Variants in ZSCAN5A observed in about 807,000 individuals in gnomAD.
ZSCAN5A encodes the protein zinc finger and SCAN domain containing 5A, also known as zinc finger and SCAN domain-containing protein 5A.
Under a neutral mutation model 23.7 loss-of-function variants are expected in ZSCAN5A, and 12 were observed. The ratio of observed to expected loss-of-function variants is 0.51; its 90% CI spans 0.32 to 0.82. The LOEUF (loss-of-function observed/expected upper bound fraction) is 0.82. Ranked by LOEUF, ZSCAN5A falls within the 40% of genes least tolerant of loss-of-function variation. The pLI is 0.03. For synonymous variants in ZSCAN5A, 257 were observed against 239.9 expected, an observed-to-expected ratio of 1.07 and a Z score of -0.66; for missense variants, 597 against 617.9, an observed-to-expected ratio of 0.97 and a Z score of 0.36.
chr19:56,268,393 A>G (rs1490416675), intron 2 of ZSCAN5A, among the ~76,000 whole-genome samples: 1 of 152,248 alleles, frequency 6.6e-6, no homozygotes, highest in Non-Finnish European at 1.5e-5. Flanking sequence ...GGAACTGTAC[A>G]GAGGGGTTGA....
intron 2 of ZSCAN5A, among the ~76,000 whole-genome samples, chr19:56,242,944 A>T (rs1264593770): frequency 6.6e-6 from 1 of 151,924 alleles, no homozygotes; most frequent in Non-Finnish European, 1.5e-5. Flanking sequence ...ATGCCCGGCT[A>T]ATTTTTGTAT....
Position 56,327,988 on chromosome 19 carries a change from T to C in ZSCAN5A, c.-357-11720A>G, listed in dbSNP as rs573121363. Among the ~76,000 whole-genome samples, 12 of 152,308 alleles carry C rather than the reference T, an allele frequency of 7.9e-5. No homozygotes were observed. In the South Asian group the frequency reaches 2.3e-3, roughly 29 times the overall value. ...TACATATTTTGATACATATACATTA[T>C]AAACCTTACATACATTTATATTATG... On this transcript the variant is annotated intron_variant, in intron 2 of 6. Coordinates refer to the ZSCAN5A transcript ENST00000587340.
chr19:56,321,489 G>T, intron 2 of ZSCAN5A: 1 of 699,844 alleles, frequency 1.4e-6, no homozygotes, highest in South Asian at 1.6e-5. Flanking sequence ...GCCCTGTGAG[G>T]ACATCCTTGC....
At chr19:56,329,010 T>TAA (rs1376370013) in intron 2 of ZSCAN5A, among the ~76,000 whole-genome samples, 1 of 136,522 alleles carries the variant, frequency 7.3e-6, no homozygotes, top group East Asian at 2.1e-4. Flanking sequence ...AAAAAAAAAA[T>TAA]AAATAAATAA....
At chr19:56,302,346 C>T (rs1452292305) in intron 2 of ZSCAN5A, among the ~76,000 whole-genome samples, 1 of 145,228 alleles carries the variant, frequency 6.9e-6, no homozygotes, top group Admixed American at 6.9e-5. Flanking sequence ...TCCCTTTCCT[C>T]TTCCTTTTTT....
At chr19:56,227,179 A>T (rs1320339127) in intron 2 of ZSCAN5A, among the ~76,000 whole-genome samples, 2 of 152,220 alleles carry the variant, frequency 1.3e-5, no homozygotes, top group Non-Finnish European at 2.9e-5. Context: ...AGTATTCTCA[A>T]AACCAAAAAT....
intron 2 of ZSCAN5A, among the ~76,000 whole-genome samples, chr19:56,333,151 C>T (rs535323329): frequency 4.0e-4 from 60 of 151,638 alleles, no homozygotes; most frequent in African/African-American, 1.2e-3. Flanking sequence ...ATGTCTGTTT[C>T]GTATAGTATC....
intron 2 of ZSCAN5A, among the ~76,000 whole-genome samples, chr19:56,341,686 G>A: frequency 8.8e-6 from 1 of 114,078 alleles, no homozygotes; most frequent in African/African-American, 3.7e-5. Context: ...AATCTTCTAG[G>A]CAGGTTACCA....
intron 2 of ZSCAN5A, chr19:56,228,202 C>G (rs2034134481): frequency 3.0e-6 from 3 of 985,054 alleles, no homozygotes; most frequent in Non-Finnish European, 3.6e-6. Flanking sequence ...GAAACCAACC[C>G]CCGACATGCC....
intron 2 of ZSCAN5A, among the ~76,000 whole-genome samples, chr19:56,257,889 A>G (rs1600111707): frequency 1.0e-5 from 1 of 98,138 alleles, no homozygotes; most frequent in Non-Finnish European, 2.0e-5. Context: ...GCCTCCCACC[A>G]CTGCCCGATC....
At chr19:56,247,196 A>G in intron 2 of ZSCAN5A, 1 of 514,596 alleles carries the variant, frequency 1.9e-6, no homozygotes, top group Non-Finnish European at 3.5e-6. Context: ...CTCCGCGTCC[A>G]CCAGCGAATC....
In ZSCAN5A at chr19:56,351,060, A is replaced by C. The variant is rs2041664671; in HGVS notation, c.-358+12175T>G. Among the ~76,000 whole-genome samples the C allele has an allele frequency of 6.6e-6, 1 of 151,844 alleles. No homozygotes were observed. The highest frequency in any genetic ancestry group is 1.9e-4 in the East Asian group (1 of 5,144). ...AAGAATCATCATCTAACACCCCCTAACAGCAGTTAGGTTTACTTCTCTTTG... is the reference window on the plus strand; with the variant it reads ...AAGAATCATCATCTAACACCCCCTACCAGCAGTTAGGTTTACTTCTCTTTG... On this transcript the variant is annotated intron_variant, in intron 2 of 6. Transcript: ENST00000587340. This position sits in a 1 kb window ranked among gnomAD's most constrained non-coding sequence, Gnocchi z 4.8.
At position 56,250,914 on chromosome 19, in the gene ZSCAN5A, G is replaced by A. The variant is rs1168474165; in HGVS notation, c.-127-25741C>T. Among the ~76,000 whole-genome samples the A allele has an allele frequency of 2.6e-5, 4 of 152,102 alleles. No homozygotes were observed. In the East Asian group the frequency reaches 7.7e-4, roughly 29 times the overall value. ...ACCACTGATCCCAGCACTTTGGGAGGCCAAGGCAGGCAGATCACGAGGGCA... is the reference window on the plus strand; with the variant it reads ...ACCACTGATCCCAGCACTTTGGGAGACCAAGGCAGGCAGATCACGAGGGCA... On this transcript the variant is annotated intron_variant, in intron 2 of 5. Transcript: ENST00000683990.
intron 2 of ZSCAN5A, among the ~76,000 whole-genome samples, chr19:56,306,231 C>T (rs138360334): frequency 2.2e-4 from 34 of 152,296 alleles, no homozygotes; most frequent in African/African-American, 7.5e-4. Context: ...AGAGAAAGTA[C>T]GAAAGACAGA....
rs572503830 is a variant in ZSCAN5A at position 56,228,401 on chromosome 19, G to A, written c.-127-3228C>T. The A allele has an allele frequency of 1.6e-4, 158 of 985,398 alleles. 1 individual carries two copies. The South Asian group carries it at 1.8e-3, about 11-fold the overall frequency. 61.0% of individuals were successfully genotyped at this position (985,398 alleles called of 1,614,324 possible). A position where few individuals can be genotyped will look rare whatever the true frequency, so the allele number is the denominator to read the frequency against. The stretch of plus-strand genomic sequence containing the variant: ...GCCCCGTGATTGGTTTAGGGCCATA[G>A]AGTCCATTTTACGTAATCGGCGTTG... On this transcript the variant is annotated intron_variant, in intron 2 of 5. Coordinates refer to ENST00000683990, the MANE Select transcript of ZSCAN5A (RefSeq NM_001322064.3).
chr19:56,361,884 G>C (rs959373682), intron 2 of ZSCAN5A, among the ~76,000 whole-genome samples: 1 of 152,088 alleles, frequency 6.6e-6, no homozygotes, highest in Non-Finnish European at 1.5e-5. Context: ...AAGGCAGGGT[G>C]CGGTGGCTCA....
intron 2 of ZSCAN5A, chr19:56,295,210 A>T (rs184592404): frequency 6.6e-6 from 1 of 152,204 alleles, no homozygotes; most frequent in African/African-American, 2.4e-5. Context: ...TTATTAAAAA[A>T]CAAAGTTCAG....
chr19:56,232,936 C>G (rs2034590543), intron 2 of ZSCAN5A, among the ~76,000 whole-genome samples: 1 of 152,160 alleles, frequency 6.6e-6, no homozygotes, highest in Non-Finnish European at 1.5e-5. Flanking sequence ...CCAGCCTCAG[C>G]TTCTTAAAGT....
chr19:56,332,870 A>G (rs949252952), intron 2 of ZSCAN5A, among the ~76,000 whole-genome samples: 1 of 152,140 alleles, frequency 6.6e-6, no homozygotes, highest in African/African-American at 2.4e-5. Context: ...AAATACCCTT[A>G]TTGCTTGCTT....
Sources: gnomAD v4.1 joint callset for allele counts (sites outside exome capture counted in the v4.1 genomes callset) on GRCh38, gnomAD v4.1.1 for gene constraint, Gnocchi (gnomAD v3.1) non-coding constraint, MANE v1.5 for transcripts, NCBI Gene and HGNC (gene_info 2026-07-23, HGNC 2026-07-21) for gene names.